Variants in VCL observed in about 807,000 individuals in gnomAD.
VCL encodes epididymis luminal protein 114.
VCL carries 47 observed loss-of-function variants against 125.7 expected under a neutral mutation model. The ratio of observed to expected loss-of-function variants is 0.37; its 90% CI spans 0.30 to 0.48. The LOEUF is 0.48. VCL is among the 20% of genes least tolerant of loss of function. The pLI, the probability that VCL is intolerant of heterozygous loss-of-function variation, is 0.99. For synonymous variants in VCL, 458 were observed against 514.6 expected (o/e 0.89, Z 1.49); for missense variants, 1,069 against 1,455.5 (o/e 0.73, Z 4.32).
At chr10:74,037,629 C>T (rs576320276) in intron 1 of VCL, among the ~76,000 whole-genome samples, 4 of 152,330 alleles carry the variant, frequency 2.6e-5, no homozygotes, top group South Asian at 4.1e-4. Flanking sequence ...GCCACACCAG[C>T]GTGTCTTTCT....
chr10:74,083,612 G>A, intron 8 of VCL, 99 bp downstream of exon 8: 1 of 1,444,592 alleles, frequency 6.9e-7, no homozygotes, highest in Non-Finnish European at 9.5e-7. Flanking sequence ...TTATCTCTTT[G>A]GCTAGTAGAT....
At position 74,118,578 on chromosome 10, in the gene VCL, C is replaced by A; in HGVS notation, c.*409C>A. The A allele has an allele frequency of 3.7e-6, 1 of 272,040 alleles. No individual in the cohort carries two copies. The highest frequency in any genetic ancestry group is 7.3e-6 in the Non-Finnish European group (1 of 137,814). 16.9% of individuals were successfully genotyped at this position (272,040 alleles called of 1,614,324 possible). A position where few individuals can be genotyped will look rare whatever the true frequency, so the allele number is the denominator to read the frequency against. On this transcript the variant is annotated 3_prime_UTR_variant, in exon 22 of 22. Coordinates refer to ENST00000211998, the MANE Select transcript of VCL (RefSeq NM_014000.3). ...TCTTCCAGAATCCCAAGACCCAGGG[C>A]CCAGGCAAATCAGTTACTAAGAAGA...
intron 20 of VCL, 51 bp downstream of exon 20, chr10:74,114,438 C>CGTGCAT: frequency 9.3e-7 from 1 of 1,078,574 alleles, no homozygotes; most frequent in Non-Finnish European, 1.3e-6. Flanking sequence ...TGTGTGTGTG[C>CGTGCAT]GTGTGTGTGT....
intron 1 of VCL, among the ~76,000 whole-genome samples, chr10:74,028,941 CT>C (rs1565638304): frequency 6.6e-6 from 1 of 151,988 alleles, no homozygotes; most frequent in Non-Finnish European, 1.5e-5. Flanking sequence ...TGGGAGGCCC[CT>C]GGAGTAGTTG....
At chr10:74,105,423 T>G (rs1470812540) in intron 16 of VCL, 70 bp downstream of exon 16, 6 of 1,589,708 alleles carry the variant, frequency 3.8e-6, no homozygotes. Flanking sequence ...TGAGGGAATA[T>G]GTACCCCACA....
At position 74,111,972 on chromosome 10, in the gene VCL, G is replaced by A. The variant is rs1314540118; in HGVS notation, c.2809G>A (p.Ala937Thr). Residue 937 changes from alanine (A) to threonine (T), a missense_variant, in exon 19 of 22, where the codon GCT becomes ACT. By Grantham distance (58) the Ala-to-Thr change is moderately conservative. This residue lies in a region of VCL where 86 missense variants were observed against 91.0 expected (regional missense o/e 0.95). Coordinates refer to ENST00000211998, the MANE Select transcript of VCL (RefSeq NM_014000.3). The part of the protein sequence containing the change: ...VVAEADAADA[A>T]GFPVPPDMED... ...AGCTGAGGCAGATGCGGCCGATGCT[G>A]CTGGCTTCCCTGTCCCCCCTGACAT... 1.9e-6 allele frequency: 3 copies of A among 1,614,204 alleles called. No individual in the cohort carries two copies. The highest frequency in any genetic ancestry group is 1.7e-6 in the Non-Finnish European group (2 of 1,180,026).
Position 74,023,040 on chromosome 10 carries a change from T to C in VCL, c.169-20043T>C, listed in dbSNP as rs370743395. Reference sequence around the variant, plus strand: ...TTCATTTATGAACCAAATATAGACTTGTGTTGTTCTTTAATGAATCATTAG... The same window carrying C: ...TTCATTTATGAACCAAATATAGACTCGTGTTGTTCTTTAATGAATCATTAG... On this transcript the variant is annotated intron_variant, in intron 1 of 21. Coordinates refer to ENST00000211998, the MANE Select transcript of VCL (RefSeq NM_014000.3). 1.6e-4 allele frequency among the ~76,000 whole-genome samples: 24 copies of C among 152,198 alleles called. 1 individual carries two copies. The highest frequency in any genetic ancestry group is 9.6e-5 in the African/African-American group (4 of 41,452).
intron 1 of VCL, among the ~76,000 whole-genome samples, chr10:74,017,669 C>G (rs1157464037): frequency 6.6e-6 from 1 of 151,856 alleles, no homozygotes; most frequent in Non-Finnish European, 1.5e-5. Flanking sequence ...CCTCCCACCT[C>G]AGCCTCCCAA....
rs749471739 is a variant in VCL at position 74,105,305 on chromosome 10, C to A, written c.2386C>A (p.Pro796Thr). The change falls in exon 16 of 22, where the codon CCG becomes ACG. Residue 796 changes from proline (P) to threonine (T), a missense_variant. Transcript: ENST00000211998. ...ASDELSKTIS[P>T]MVMDAKAVAG... ...TGATGAATTGAGCAAAACCATCTCC[C>A]CGATGGTGATGGATGCAAAAGCTGT... 3 of 1,613,258 alleles carry A rather than the reference C, an allele frequency of 1.9e-6. No individual in the cohort carries two copies. Among genetic ancestry groups the A allele is most frequent in the East Asian group, 4.5e-5 (2 of 44,874 alleles).
In VCL at chr10:73,998,327, C is replaced by T. The variant is rs144080529; in HGVS notation, c.120C>T (p.Leu40=). The T allele has an allele frequency of 1.5e-4, 230 of 1,568,132 alleles. No individual in the cohort carries two copies. In the African/African-American group the frequency reaches 3.0e-3, roughly 20 times the overall value. Residue 40 remains leucine (L), a synonymous_variant, in exon 1 of 22, where the codon CTC becomes CTT. Coordinates refer to ENST00000211998, the MANE Select transcript of VCL (RefSeq NM_014000.3). The part of the protein sequence containing the change: ...GEVDGKAIPD[L]TAPVAAVQAA... The stretch of plus-strand genomic sequence containing the variant: ...TGGACGGCAAAGCCATTCCTGACCT[C>T]ACCGCGCCCGTGGCCGCCGTGCAGG...
intron 15 of VCL, 119 bp from the exon 16 acceptor site, chr10:74,104,932 G>A: frequency 8.6e-7 from 1 of 1,156,752 alleles, no homozygotes; most frequent in Non-Finnish European, 1.2e-6. Context: ...AAGAGTTTGA[G>A]CTGAAGAAGA....
chr10:74,063,769 G>C (rs1251682536), intron 2 of VCL: 1 of 152,202 alleles, frequency 6.6e-6, no homozygotes, highest in Non-Finnish European at 1.5e-5. Flanking sequence ...AAGAGGGAAT[G>C]ATGAGCCAAG....
chr10:74,065,519 A>G (rs1841555473), intron 2 of VCL, among the ~76,000 whole-genome samples: 2 of 152,084 alleles, frequency 1.3e-5, no homozygotes, highest in South Asian at 2.1e-4. Context: ...GCAACACTCC[A>G]TCGCTACAAA....
intron 16 of VCL, among the ~76,000 whole-genome samples, chr10:74,106,404 G>C (rs188756004): frequency 1.8e-4 from 27 of 152,196 alleles, no homozygotes; most frequent in African/African-American, 6.5e-4. Context: ...CAAATCTGGA[G>C]GGCTTAAGTT....
intron 2 of VCL, among the ~76,000 whole-genome samples, chr10:74,068,450 C>T (rs1400994641): frequency 6.6e-6 from 1 of 151,956 alleles, no homozygotes. Flanking sequence ...TCAGCCTCCC[C>T]AGTAGCTGGG....
At chr10:74,006,609 A>G (rs753012710) in intron 1 of VCL, among the ~76,000 whole-genome samples, 1 of 152,240 alleles carries the variant, frequency 6.6e-6, no homozygotes, top group Non-Finnish European at 1.5e-5. Context: ...ATGCTCCAAA[A>G]TCTGACTTTT....
chr10:74,025,206 C>T (rs1013655884), intron 1 of VCL, among the ~76,000 whole-genome samples: 2 of 151,976 alleles, frequency 1.3e-5, no homozygotes, highest in Non-Finnish European at 2.9e-5. Flanking sequence ...TCAGTAGAGA[C>T]GGGGATTCAC....
At chr10:74,066,272 A>G (rs1450772816) in intron 2 of VCL, among the ~76,000 whole-genome samples, 1 of 151,896 alleles carries the variant, frequency 6.6e-6, no homozygotes, top group Admixed American at 6.6e-5. Flanking sequence ...TTGGTCAGGC[A>G]GGTCTTGAAC....
In VCL at chr10:74,114,916, T is replaced by C; in HGVS notation, c.3258+17T>C. On this transcript the variant is annotated intron_variant, in intron 21 of 21. Coordinates refer to ENST00000211998, the MANE Select transcript of VCL (RefSeq NM_014000.3). ...TCTGAGCAGGTATGTGGCAGCTGTT[T>C]TTGGTTTCTGGCTGGCAGCTTCTGT... 6.4e-7 allele frequency: 1 copy of C among 1,572,790 alleles called. No homozygotes were observed. Among genetic ancestry groups the C allele is most frequent in the Non-Finnish European group, 8.6e-7 (1 of 1,158,266 alleles).
Sources: gnomAD v4.1 joint callset for allele counts (sites outside exome capture counted in the v4.1 genomes callset) on GRCh38, gnomAD v4.1.1 for gene constraint, gnomAD v4.1.1 regional missense constraint, MANE v1.5 for transcripts, NCBI Gene and HGNC (gene_info 2026-07-23, HGNC 2026-07-21) for gene names.